The following MGAT3 variants were observed in gnomAD, a reference collection of about 807,000 sequenced individuals.
MGAT3 encodes beta-1,4-mannosyl-glycoprotein 4-beta-N-acetylglucosaminyltransferase, also known as GlcNAc-T III.
Under a neutral mutation model 29.8 loss-of-function variants are expected in MGAT3, and 9 were observed. That is an observed-to-expected ratio of 0.30 (90% CI 0.18 to 0.53). The LOEUF (loss-of-function observed/expected upper bound fraction) is 0.53. MGAT3 is among the 20% of genes least tolerant of loss of function. MGAT3 has a pLI of 0.96. For missense variants in MGAT3, 557 were observed against 769.5 expected, an observed-to-expected ratio of 0.72 and a Z score of 3.27; for synonymous variants, 397 against 348.9, an observed-to-expected ratio of 1.14 and a Z score of -1.54.
Position 39,488,589 on chromosome 22 carries a change from C to T in MGAT3, c.1242C>T (p.Phe414=), listed in dbSNP as rs1438770485. 8 of 1,613,232 alleles carry T rather than the reference C, an allele frequency of 5.0e-6. No homozygotes were observed. In the East Asian group the frequency reaches 1.1e-4, roughly 22 times the overall value. ...VQWSLGSPLH[F]AGWHCSWCFT... ...GGTCGCTGGGCAGCCCCCTGCACTT[C>T]GCCGGCTGGCACTGCTCCTGGTGCT... is the stretch of plus-strand genomic sequence containing the variant. The change falls in exon 2 of 2, where the codon TTC becomes TTT. Residue 414 remains phenylalanine, a synonymous_variant. Transcript: ENST00000341184.
Position 39,488,924 on chromosome 22 carries a change from G to T in MGAT3, c.1577G>T (p.Gly526Val). Residue 526 changes from glycine to valine, a missense_variant, in exon 2 of 2, where the codon GGC becomes GTC. This residue lies in a region of MGAT3 where 102 missense variants were observed against 97.0 expected (regional missense o/e 1.05). Coordinates refer to ENST00000341184, the MANE Select transcript of MGAT3 (RefSeq NM_002409.5). ...CCCGAGGGAAGGCCGCCCGCCCGGG[G>T]CAAACTGGACGAGGCGGAAGTCTAG... ...RGPEGRPPARGKLDEAEV is the reference protein window; with the variant it reads ...RGPEGRPPARVKLDEAEV 6.2e-7 allele frequency: 1 copy of T among 1,605,334 alleles called. No individual in the cohort carries two copies.
In MGAT3 at chr22:39,487,686, C is replaced by T. The variant is rs776246246; in HGVS notation, c.339C>T (p.Ala113=). The change falls in exon 2 of 2, where the codon GCC becomes GCT. Residue 113 remains alanine, a synonymous_variant. Coordinates refer to ENST00000341184, the MANE Select transcript of MGAT3 (RefSeq NM_002409.5). This position sits in a 1 kb window ranked among gnomAD's most constrained non-coding sequence, Gnocchi z 5.7. ...CCGAGTATTTCGTGCGCACCAAGGCCGGCGGCGTCTGCTTCAAACCCGGCA... is the reference window on the plus strand; with the variant it reads ...CCGAGTATTTCGTGCGCACCAAGGCTGGCGGCGTCTGCTTCAAACCCGGCA... The part of the protein sequence containing the change: ...DTTEYFVRTK[A]GGVCFKPGTK... 4.4e-6 allele frequency: 7 copies of T among 1,595,496 alleles called. No homozygotes were observed. In the East Asian group the frequency reaches 1.1e-4, roughly 26 times the overall value.
In MGAT3 at chr22:39,489,852, CT is replaced by C. The variant is rs1259954387; in HGVS notation, c.*905del. On this transcript the variant is annotated 3_prime_UTR_variant, in exon 2 of 2. Coordinates refer to ENST00000341184, the MANE Select transcript of MGAT3 (RefSeq NM_002409.5). ...ATCCGTCTCTCCCTCCCCATCACCC[CT>C]TCCTTCTGACACCCAGTCCCAGCTG... The C allele has an allele frequency of 6.0e-6, 1 of 167,386 alleles. No homozygotes were observed. Among genetic ancestry groups the C allele is most frequent in the African/African-American group, 2.4e-5 (1 of 41,474 alleles). The allele number at this position is 167,386 out of a possible 1,614,324, so 10.4% of individuals were successfully genotyped here. A position where few individuals can be genotyped will look rare whatever the true frequency, so the allele number is the denominator to read the frequency against.
At position 39,487,531 on chromosome 22, in the gene MGAT3, C is replaced by G; in HGVS notation, c.184C>G (p.Pro62Ala). 6.2e-7 allele frequency: 1 copy of G among 1,613,298 alleles called. No homozygotes were observed. Among genetic ancestry groups the G allele is most frequent in the East Asian group, 2.2e-5 (1 of 44,870 alleles). ...TGCCCCGGTCACGCCCCAGGCCAGC[C>G]CCGAGCCAGGAGGCCCTGACCTGCT... ...NNAPVTPQAS[P>A]EPGGPDLLRT... is the part of the protein sequence containing the mutation. The change falls in exon 2 of 2, where the codon CCC becomes GCC. Residue 62 changes from proline (P) to alanine (A), a missense_variant. Transcript: ENST00000341184. The surrounding 1 kb of genome is among the most constrained non-coding windows in gnomAD (Gnocchi z 5.7).
intron 1 of MGAT3, among the ~76,000 whole-genome samples, chr22:39,467,922 G>C (rs2145713374): frequency 6.6e-6 from 1 of 151,768 alleles, no homozygotes; most frequent in Middle Eastern, 3.4e-3. Flanking sequence ...GGGTCTTCCA[G>C]AACATGGAGC....
At chr22:39,460,924 C>G (rs1411324151) in intron 1 of MGAT3, among the ~76,000 whole-genome samples, 1 of 152,174 alleles carries the variant, frequency 6.6e-6, no homozygotes, top group Non-Finnish European at 1.5e-5. Context: ...ACCCCTGCCT[C>G]CTTGGAGACT....
At chr22:39,468,900 T>G (rs936974607) in intron 1 of MGAT3, among the ~76,000 whole-genome samples, 12 of 151,924 alleles carry the variant, frequency 7.9e-5, no homozygotes, top group African/African-American at 2.7e-4. Context: ...AGGGTGAGAT[T>G]ACACAGAAAC....
In MGAT3 at chr22:39,488,182, C is replaced by G. The variant is rs778421805; in HGVS notation, c.835C>G (p.Pro279Ala). The change falls in exon 2 of 2, where the codon CCC (proline) becomes GCC (alanine). Residue 279 changes from proline (P) to alanine (A), a missense_variant. Pro to Ala is a conservative substitution (Grantham distance 27). This residue lies in a region of MGAT3 where 243 missense variants were observed against 444.0 expected (regional missense o/e 0.55). Coordinates refer to ENST00000341184, the MANE Select transcript of MGAT3 (RefSeq NM_002409.5). The stretch of plus-strand genomic sequence containing the variant: ...CTATGTCTTCCTGGACCACTTCCCG[C>G]CCGGCGGCCGGCAGGACGGCTGGAT... ...VLYVFLDHFP[P>A]GGRQDGWIAD... 69 of 1,612,996 alleles carry G rather than the reference C, an allele frequency of 4.3e-5. No homozygotes were observed. Among genetic ancestry groups the G allele is most frequent in the Non-Finnish European group, 5.6e-5 (66 of 1,179,948 alleles).
intron 1 of MGAT3, among the ~76,000 whole-genome samples, chr22:39,481,072 G>A (rs934149467): frequency 1.3e-5 from 2 of 152,188 alleles, no homozygotes; most frequent in African/African-American, 4.8e-5. Context: ...TCCAGTGAAA[G>A]CCACACTTCG....
Position 39,487,361 on chromosome 22 carries a change from G to A in MGAT3, c.14G>A (p.Arg5His), listed in dbSNP as rs905014537. ...CTCTCCCGCAGGATGAAGATGAGAC[G>A]CTACAAGCTCTTTCTCATGTTCTGT... Reference protein sequence around the residue: MKMRRYKLFLMFCMA... With the variant: MKMRHYKLFLMFCMA... Residue 5 changes from arginine (R) to histidine (H), a missense_variant, in exon 2 of 2, where the codon CGC (arginine) becomes CAC (histidine). Physicochemically the swap from Arg to His is conservative, Grantham distance 29 (BLOSUM62 0). Transcript: ENST00000341184. This position sits in a 1 kb window ranked among gnomAD's most constrained non-coding sequence, Gnocchi z 5.7. 1.9e-6 allele frequency: 3 copies of A among 1,612,256 alleles called. No individual in the cohort carries two copies. Among genetic ancestry groups the A allele is most frequent in the East Asian group, 2.2e-5 (1 of 44,848 alleles).
rs377711968 is a variant in MGAT3, at chr22:39,483,209, C to T, written c.-1-4138C>T. ...GTCCCAAGTACAGAAAAATAGCCCA[C>T]TAAGGCTAGGCACAGTGGCCCACAC... is the stretch of plus-strand genomic sequence containing the variant. On this transcript the variant is annotated intron_variant, in intron 1 of 1. Transcript: ENST00000341184. 1.0e-3 allele frequency among the ~76,000 whole-genome samples: 157 copies of T among 152,266 alleles called. 1 individual carries two copies. Among genetic ancestry groups the T allele is most frequent in the African/African-American group, 3.6e-3 (150 of 41,544 alleles).
intron 1 of MGAT3, among the ~76,000 whole-genome samples, chr22:39,472,154 C>G (rs1327090950): frequency 6.6e-6 from 1 of 152,068 alleles, no homozygotes; most frequent in Admixed American, 6.5e-5. Context: ...GGGCTTGGAG[C>G]CAGCAGTACA....
intron 1 of MGAT3, among the ~76,000 whole-genome samples, chr22:39,464,064 G>A (rs1054514741): frequency 2.0e-5 from 3 of 148,906 alleles, no homozygotes; most frequent in South Asian, 4.3e-4. Context: ...CCGAGCCCCC[G>A]CCTGTGTTCG....
At position 39,489,066 on chromosome 22, in the gene MGAT3, T is replaced by TGGGGGGGTTGG; in HGVS notation, c.*122_*123insGGTTGGGGGGG. 1 of 332,622 alleles carries TGGGGGGGTTGG rather than the reference T, an allele frequency of 3.0e-6. No homozygotes were observed. Among genetic ancestry groups the TGGGGGGGTTGG allele is most frequent in the Non-Finnish European group, 5.3e-6 (1 of 188,438 alleles). The allele number at this position is 332,622 out of a possible 1,614,324, so 20.6% of individuals were successfully genotyped here. ...GAGGGGACCAGGAGTGGGTGGGGAGTGGGGGTGGGGGTAGGGTTTCCCTAC... is the reference window on the plus strand; with the variant it reads ...GAGGGGACCAGGAGTGGGTGGGGAGTGGGGGGGTTGGGGGGGTGGGGGTAGGGTTTCCCTAC... On this transcript the variant is annotated 3_prime_UTR_variant, in exon 2 of 2. Coordinates refer to ENST00000341184, the MANE Select transcript of MGAT3 (RefSeq NM_002409.5).
At chr22:39,483,674 A>T (rs2009774) in intron 1 of MGAT3, among the ~76,000 whole-genome samples, 62,178 of 151,786 alleles carry the variant, frequency 0.41, 13,187 homozygotes, top group Middle Eastern at 0.57. Context: ...TTGCTCACCC[A>T]GCTGGTCCAG....
chr22:39,491,156 G>C lies in MGAT3; in HGVS notation c.*2207G>C, dbSNP rs1221481695. On this transcript the variant is annotated 3_prime_UTR_variant, in exon 2 of 2. Transcript: ENST00000341184. This position sits in a 1 kb window ranked among gnomAD's most constrained non-coding sequence, Gnocchi z 5.5. ...GCATCTTCTTGCGACAGCACTGTCTGGGTTAAGTGCCCAGTGAGGGCATGG... is the reference window on the plus strand; with the variant it reads ...GCATCTTCTTGCGACAGCACTGTCTCGGTTAAGTGCCCAGTGAGGGCATGG... The C allele has an allele frequency of 1.2e-5, 2 of 167,396 alleles. No individual in the cohort carries two copies. Among genetic ancestry groups the C allele is most frequent in the African/African-American group, 4.8e-5 (2 of 41,444 alleles). The allele number at this position is 167,396 out of a possible 1,614,324, so 10.4% of individuals were successfully genotyped here. A position where few individuals can be genotyped will look rare whatever the true frequency, so the allele number is the denominator to read the frequency against.
rs762648519 is a variant in MGAT3, at chr22:39,487,810, G to T, written c.463G>T (p.Ala155Ser). ...GCGGCCACCCCGGTACCTCCTGAGCGCCCGGGAGCGCACGGGGGGCCGAGG... is the reference window on the plus strand; with the variant it reads ...GCGGCCACCCCGGTACCTCCTGAGCTCCCGGGAGCGCACGGGGGGCCGAGG... ...ARRPPRYLLS[A>S]RERTGGRGAR... The change falls in exon 2 of 2, where the codon GCC becomes TCC. Residue 155 changes from alanine (A) to serine (S), a missense_variant. By Grantham distance (99) the Ala-to-Ser change is moderately conservative (BLOSUM62 1). This residue lies in a region of MGAT3 where 212 missense variants were observed against 228.5 expected (regional missense o/e 0.93). Coordinates refer to ENST00000341184, the MANE Select transcript of MGAT3 (RefSeq NM_002409.5). The surrounding 1 kb of genome is among the most constrained non-coding windows in gnomAD (Gnocchi z 5.7). 1 of 1,493,024 alleles carries T rather than the reference G, an allele frequency of 6.7e-7. No homozygotes were observed. Among genetic ancestry groups the T allele is most frequent in the South Asian group, 1.3e-5 (1 of 74,578 alleles). 92.5% of individuals were successfully genotyped at this position (1,493,024 alleles called of 1,614,324 possible). A position where few individuals can be genotyped will look rare whatever the true frequency, so the allele number is the denominator to read the frequency against.
At chr22:39,482,016 ATC>A (rs1929142789) in intron 1 of MGAT3, among the ~76,000 whole-genome samples, 2 of 152,078 alleles carry the variant, frequency 1.3e-5, no homozygotes, top group African/African-American at 4.8e-5. Context: ...CAGAATTGCG[ATC>A]TCTCAGCTCA....
Position 39,472,327 on chromosome 22 carries a change from G to T in MGAT3, c.-2+14770G>T, listed in dbSNP as rs572893622. On this transcript the variant is annotated intron_variant, in intron 1 of 1. Coordinates refer to ENST00000341184, the MANE Select transcript of MGAT3 (RefSeq NM_002409.5). ...CCGCCCTGTCCCTGCCCGGTACTTT[G>T]TCAGAGACTCGGGGTCCCGCCGTGC... Among the ~76,000 whole-genome samples the T allele has an allele frequency of 5.3e-4, 80 of 152,274 alleles. 1 individual carries two copies. The highest frequency in any genetic ancestry group is 9.0e-4 in the Non-Finnish European group (61 of 68,002).
Sources: gnomAD v4.1 joint callset for allele counts (sites outside exome capture counted in the v4.1 genomes callset) on GRCh38, gnomAD v4.1.1 for gene constraint, gnomAD v4.1.1 regional missense constraint, Gnocchi (gnomAD v3.1) non-coding constraint, MANE v1.5 for transcripts, NCBI Gene and HGNC (gene_info 2026-07-23, HGNC 2026-07-21) for gene names.